The following CDC42BPA variants were observed in gnomAD, a reference collection of about 807,000 sequenced individuals.
CDC42BPA encodes the protein serine/threonine-protein kinase MRCK alpha.
In CDC42BPA, 80 loss-of-function variants were observed where a neutral mutation model predicts 223.5. The observed-to-expected ratio is 0.36, with a 90% CI of 0.30 to 0.43. CDC42BPA has a LOEUF of 0.43. Ranked by LOEUF, CDC42BPA falls within the 20% of genes least tolerant of loss-of-function variation. CDC42BPA has a pLI of 1.00. For missense variants in CDC42BPA, 1,743 were observed against 2,099.9 expected, an observed-to-expected ratio of 0.83 and a Z score of 3.32; for synonymous variants, 694 against 718.6, an observed-to-expected ratio of 0.97 and a Z score of 0.55.
Position 227,098,957 on chromosome 1 carries a change from G to A in CDC42BPA, c.2249+2035C>T, listed in dbSNP as rs1684497712. 2.6e-5 allele frequency among the ~76,000 whole-genome samples: 4 copies of A among 151,822 alleles called. No homozygotes were observed. In the South Asian group the frequency reaches 8.3e-4, roughly 32 times the overall value. Reference sequence around the variant, plus strand: ...GTCCATAATGCATTAGTCCATAACTGCGTAAATTTTTCAACTTTATTATAA... The same window carrying A: ...GTCCATAATGCATTAGTCCATAACTACGTAAATTTTTCAACTTTATTATAA... On this transcript the variant is annotated intron_variant, in intron 15 of 36. Coordinates refer to ENST00000366766, the MANE Select transcript of CDC42BPA (RefSeq NM_001394014.1).
intron 22 of CDC42BPA, among the ~76,000 whole-genome samples, chr1:227,050,604 T>C (rs188940279): frequency 9.0e-4 from 137 of 152,268 alleles, no homozygotes; most frequent in Non-Finnish European, 1.4e-3. Context: ...GCCACAGTTA[T>C]AATGAATGAA....
At chr1:227,278,943 T>C (rs1405304371) in intron 1 of CDC42BPA, among the ~76,000 whole-genome samples, 1 of 152,070 alleles carries the variant, frequency 6.6e-6, no homozygotes, top group Non-Finnish European at 1.5e-5. Context: ...GTTACATTCT[T>C]TTCTTCAGGC....
chr1:227,222,276 A>T (rs1340273487), intron 2 of CDC42BPA, among the ~76,000 whole-genome samples: 1 of 151,956 alleles, frequency 6.6e-6, no homozygotes, highest in Non-Finnish European at 1.5e-5. Context: ...TGGGAGGCCA[A>T]GGAAGGCGGA....
chr1:227,062,522 G>A (rs1676126081), intron 21 of CDC42BPA, among the ~76,000 whole-genome samples: 1 of 152,056 alleles, frequency 6.6e-6, no homozygotes, highest in Non-Finnish European at 1.5e-5. Flanking sequence ...AGGAAATATT[G>A]TATTATGCTT....
At chr1:227,032,172 A>G (rs1462617135) in intron 27 of CDC42BPA, among the ~76,000 whole-genome samples, 1 of 152,234 alleles carries the variant, frequency 6.6e-6, no homozygotes, top group African/African-American at 2.4e-5. Context: ...TATACAAACA[A>G]CACTATCAGA....
intron 35 of CDC42BPA, among the ~76,000 whole-genome samples, chr1:227,003,146 G>A (rs1047802952): frequency 6.6e-6 from 1 of 152,160 alleles, no homozygotes; most frequent in East Asian, 1.9e-4. Flanking sequence ...AATGAATGGA[G>A]GAAACTCAAT....
intron 6 of CDC42BPA, among the ~76,000 whole-genome samples, chr1:227,155,037 A>G (rs1372956768): frequency 1.3e-5 from 2 of 152,176 alleles, no homozygotes; most frequent in African/African-American, 2.4e-5. Flanking sequence ...TGACCGAGAT[A>G]TAACAGAAAA....
At chr1:227,152,187 C>A (rs1661903389) in intron 6 of CDC42BPA, among the ~76,000 whole-genome samples, 1 of 152,128 alleles carries the variant, frequency 6.6e-6, no homozygotes, top group South Asian at 2.1e-4. Context: ...TGCCTTTTCA[C>A]TCTGATCGTG....
intron 7 of CDC42BPA, 109 bp downstream of exon 7, chr1:227,147,250 T>A (rs979724212): frequency 1.4e-6 from 1 of 706,202 alleles, no homozygotes; most frequent in South Asian, 2.0e-5. Context: ...CATACTAGGA[T>A]AGAAATGTGA....
chr1:227,315,255 T>C lies in CDC42BPA; in HGVS notation c.178+1750A>G, dbSNP rs569195025. Reference sequence around the variant, plus strand: ...AAAAATATACATAAATGAGGTGTTCTTATACATATATAAGAAACAACATCC... The same window carrying C: ...AAAAATATACATAAATGAGGTGTTCCTATACATATATAAGAAACAACATCC... On this transcript the variant is annotated intron_variant, in intron 1 of 36. Coordinates refer to ENST00000366766, the MANE Select transcript of CDC42BPA (RefSeq NM_001394014.1). Among the ~76,000 whole-genome samples, 28 of 152,130 alleles carry C rather than the reference T, an allele frequency of 1.8e-4. No homozygotes were observed. In the East Asian group the frequency reaches 4.4e-3, roughly 24 times the overall value.
At chr1:227,283,411 C>T (rs1364664428) in intron 1 of CDC42BPA, among the ~76,000 whole-genome samples, 1 of 152,022 alleles carries the variant, frequency 6.6e-6, no homozygotes, top group Non-Finnish European at 1.5e-5. Flanking sequence ...ATAATATTTA[C>T]TAATAGTTTA....
chr1:227,168,500 T>TTTTTTTTG lies in CDC42BPA; in HGVS notation c.600-7865_600-7864insCAAAAAAA, dbSNP rs1208670872. On this transcript the variant is annotated intron_variant, in intron 5 of 36. Transcript: ENST00000366766. ...TTTCATATTTATCTTCCCTGGTGTT[T>TTTTTTTTG]TTTTTTTTTTTTTGAGGCAGAGTCT... is the stretch of plus-strand genomic sequence containing the variant. Among the ~76,000 whole-genome samples the TTTTTTTTG allele has an allele frequency of 4.2e-4, 52 of 123,702 alleles. 2 individuals carry two copies. The highest frequency in any genetic ancestry group is 1.6e-3 in the African/African-American group (49 of 31,224). The allele number at this position is 123,702 out of a possible 152,430, so 81.2% of individuals were successfully genotyped here.
At chr1:227,189,065 A>G (rs973620986) in intron 5 of CDC42BPA, among the ~76,000 whole-genome samples, 2 of 152,130 alleles carry the variant, frequency 1.3e-5, no homozygotes, top group Non-Finnish European at 2.9e-5. Flanking sequence ...TGAAAAGGGT[A>G]TTCACTTAGA....
chr1:227,119,951 A>T lies in CDC42BPA; in HGVS notation c.1514-14T>A. 1 of 1,564,968 alleles carries T rather than the reference A, an allele frequency of 6.4e-7. No individual in the cohort carries two copies. The highest frequency in any genetic ancestry group is 8.6e-7 in the Non-Finnish European group (1 of 1,161,092). On this transcript the variant is annotated splice_polypyrimidine_tract_variant and intron_variant, in intron 11 of 36. Transcript: ENST00000366766. ...AATGACTTGATTCTAAAAACAAAAGACAATGTTTCTTTTACTATTTGTATA... is the reference window on the plus strand; with the variant it reads ...AATGACTTGATTCTAAAAACAAAAGTCAATGTTTCTTTTACTATTTGTATA...
intron 15 of CDC42BPA, among the ~76,000 whole-genome samples, chr1:227,093,620 C>T (rs1055737985): frequency 6.6e-6 from 1 of 152,186 alleles, no homozygotes; most frequent in Non-Finnish European, 1.5e-5. Flanking sequence ...TACAGCCAAT[C>T]ATTAATCAAT....
chr1:227,007,945 T>C (rs189260630), intron 34 of CDC42BPA, among the ~76,000 whole-genome samples: 26 of 152,306 alleles, frequency 1.7e-4, no homozygotes, highest in Admixed American at 1.5e-3. Context: ...GGAACACTGT[T>C]GGTAGGCACA....
chr1:227,297,754 G>C (rs751411340), intron 1 of CDC42BPA, among the ~76,000 whole-genome samples: 16 of 151,834 alleles, frequency 1.1e-4, no homozygotes, highest in Non-Finnish European at 2.2e-4. Flanking sequence ...GAGACAGAAA[G>C]TAGATCAGAA....
chr1:226,994,681 G>C lies in CDC42BPA; in HGVS notation c.5133+142C>G. On this transcript the variant is annotated intron_variant, in intron 36 of 36. Transcript: ENST00000366766. This position sits in a 1 kb window ranked among gnomAD's most constrained non-coding sequence, Gnocchi z 4.0. ...GTTTGCAGCCCGAGTGACTGGCCTA[G>C]CTGCCCGCTGGCCAAGAGTGAATGC... is the stretch of plus-strand genomic sequence containing the variant. The C allele has an allele frequency of 1.1e-6, 1 of 893,728 alleles. No homozygotes were observed. Among genetic ancestry groups the C allele is most frequent in the Non-Finnish European group, 1.7e-6 (1 of 588,100 alleles). 55.4% of individuals were successfully genotyped at this position (893,728 alleles called of 1,614,324 possible). A position where few individuals can be genotyped will look rare whatever the true frequency, so the allele number is the denominator to read the frequency against.
At chr1:227,244,483 T>C (rs930158256) in intron 2 of CDC42BPA, among the ~76,000 whole-genome samples, 2 of 89,676 alleles carry the variant, frequency 2.2e-5, no homozygotes, top group African/African-American at 9.3e-5. Flanking sequence ...AGGAAGTGAT[T>C]ATTCACATGG....
Sources: allele counts gnomAD v4.1 joint callset (sites outside exome capture counted in the v4.1 genomes callset), GRCh38; gene constraint gnomAD v4.1.1; non-coding constraint Gnocchi (gnomAD v3.1); transcripts MANE v1.5; gene names NCBI Gene and HGNC (gene_info 2026-07-23, HGNC 2026-07-21).